Variants in DNAJB12 observed in about 807,000 individuals in gnomAD.
DNAJB12 encodes dnaJ homolog subfamily B member 12.
A neutral mutation model predicts 40.6 loss-of-function variants in DNAJB12; 14 were observed. The ratio of observed to expected loss-of-function variants is 0.34; its 90% CI spans 0.23 to 0.54. The LOEUF is 0.54. Among genes scored for constraint, DNAJB12 ranks in the 20% least tolerant of loss-of-function variants. The probability of loss-of-function intolerance (pLI) is 0.92; values close to 1 mark genes in which losing one functional copy is unlikely to be tolerated. For missense variants in DNAJB12, 444 were observed against 501.7 expected (o/e 0.89, Z 1.10); for synonymous variants, 181 against 199.5 (o/e 0.91, Z 0.78).
chr10:72,338,816 TAAAAC>T (rs1861549072), intron 5 of DNAJB12, among the ~76,000 whole-genome samples: 1 of 151,214 alleles, frequency 6.6e-6, no homozygotes, highest in African/African-American at 2.4e-5. Flanking sequence ...AAATAATAAT[TAAAAC>T]AAAATAAAAA....
At position 72,333,769 on chromosome 10, in the gene DNAJB12, G is replaced by C. The variant is rs1428158207; in HGVS notation, c.*879C>G. The C allele has an allele frequency of 6.6e-6, 1 of 152,662 alleles. No individual in the cohort carries two copies. Among genetic ancestry groups the C allele is most frequent in the Admixed American group, 6.5e-5 (1 of 15,282 alleles). The allele number at this position is 152,662 out of a possible 1,614,324, so 9.5% of individuals were successfully genotyped here. Reference sequence around the variant, plus strand: ...GGACAAAGAGCCCACCAGCGCTGCTGAGAGGGGAGAGGTGGTCTCACCCAA... The same window carrying C: ...GGACAAAGAGCCCACCAGCGCTGCTCAGAGGGGAGAGGTGGTCTCACCCAA... On this transcript the variant is annotated 3_prime_UTR_variant, in exon 9 of 9. Transcript: ENST00000444643.
chr10:72,352,732 T>C (rs908861223), intron 1 of DNAJB12, among the ~76,000 whole-genome samples: 11 of 152,096 alleles, frequency 7.2e-5, no homozygotes, highest in Non-Finnish European at 1.5e-4. Flanking sequence ...TCTTTTGAGG[T>C]GAGGGATCAC....
Position 72,335,675 on chromosome 10 carries a change from T to C in DNAJB12, c.*30+105A>G, listed in dbSNP as rs751162110. On this transcript the variant is annotated intron_variant, in intron 8 of 8. Coordinates refer to ENST00000444643, the MANE Select transcript of DNAJB12 (RefSeq NM_017626.7). This position sits in a 1 kb window ranked among gnomAD's most constrained non-coding sequence, Gnocchi z 4.4. ...AGGTCAGGCTGGGGACAGGAGTCTT[T>C]GCCACAATCACCAGGCTTCCTCCCT... The C allele has an allele frequency of 1.1e-5, 16 of 1,472,012 alleles. No individual in the cohort carries two copies. The highest frequency in any genetic ancestry group is 2.8e-5 in the African/African-American group (2 of 71,230). 91.2% of individuals were successfully genotyped at this position (1,472,012 alleles called of 1,614,324 possible). A position where few individuals can be genotyped will look rare whatever the true frequency, so the allele number is the denominator to read the frequency against.
At chr10:72,348,176 T>G (rs1237247767) in intron 1 of DNAJB12, among the ~76,000 whole-genome samples, 1 of 150,346 alleles carries the variant, frequency 6.7e-6, no homozygotes, top group African/African-American at 2.5e-5. Context: ...GAACTGAGAT[T>G]GTGCCACTGC....
intron 1 of DNAJB12, among the ~76,000 whole-genome samples, chr10:72,348,733 C>T (rs1806428544): frequency 6.6e-6 from 1 of 152,182 alleles, no homozygotes; most frequent in Non-Finnish European, 1.5e-5. Flanking sequence ...GTAAGGGAGG[C>T]GGGCTCCTGT....
chr10:72,352,797 G>A lies in DNAJB12; in HGVS notation c.133+1968C>T, dbSNP rs188304749. ...AGGACTTTGCAAACAAAACATAAAT[G>A]ATCTTCAACAAAAGTCTGCTGCATT... On this transcript the variant is annotated intron_variant, in intron 1 of 8. Coordinates refer to ENST00000444643, the MANE Select transcript of DNAJB12 (RefSeq NM_017626.7). Among the ~76,000 whole-genome samples the A allele has an allele frequency of 5.3e-5, 8 of 152,274 alleles. No individual in the cohort carries two copies. In the East Asian group the frequency reaches 9.6e-4, roughly 18 times the overall value.
At position 72,335,112 on chromosome 10, in the gene DNAJB12, C is replaced by T. The variant is rs1017101787; in HGVS notation, c.*31-495G>A. The T allele has an allele frequency of 5.1e-6, 5 of 990,022 alleles. No individual in the cohort carries two copies. Among genetic ancestry groups the T allele is most frequent in the South Asian group, 4.6e-5 (1 of 21,924 alleles). 61.3% of individuals were successfully genotyped at this position (990,022 alleles called of 1,614,324 possible). Reference sequence around the variant, plus strand: ...CGCAGGCGAGATGCCTGGGCAAGGCCGGATGCCTGTGGCTTCCAGGCTGCC... The same window carrying T: ...CGCAGGCGAGATGCCTGGGCAAGGCTGGATGCCTGTGGCTTCCAGGCTGCC... On this transcript the variant is annotated intron_variant, in intron 8 of 8. Coordinates refer to ENST00000444643, the MANE Select transcript of DNAJB12 (RefSeq NM_017626.7). The surrounding 1 kb of genome is among the most constrained non-coding windows in gnomAD (Gnocchi z 4.4).
chr10:72,334,694 C>G, intron 8 of DNAJB12, 77 bp from the exon 9 acceptor site: 2 of 1,482,058 alleles, frequency 1.3e-6, no homozygotes, highest in South Asian at 1.3e-5. Context: ...CACAAGTAGC[C>G]CCCCTTGCCA....
In DNAJB12 at chr10:72,334,770, G is replaced by A. The variant is rs145166873; in HGVS notation, c.*31-153C>T. ...CCCCACTTGCGGCCTGCCCTCCTGC[G>A]GCAGCACAGAGGCAGGCACAAATGG... is the stretch of plus-strand genomic sequence containing the variant. On this transcript the variant is annotated intron_variant, in intron 8 of 8. Transcript: ENST00000444643. 748 of 1,400,372 alleles carry A rather than the reference G, an allele frequency of 5.3e-4. 5 individuals are homozygous for A. The African/African-American group carries it at 0.01, about 19-fold the overall frequency. 86.7% of individuals were successfully genotyped at this position (1,400,372 alleles called of 1,614,324 possible). A position where few individuals can be genotyped will look rare whatever the true frequency, so the allele number is the denominator to read the frequency against.
intron 7 of DNAJB12, 75 bp downstream of exon 7, chr10:72,336,449 C>G: frequency 2.7e-6 from 4 of 1,476,862 alleles, no homozygotes; most frequent in Non-Finnish European, 3.7e-6. Flanking sequence ...GAGCAGGGCT[C>G]TCTCCTTCCC....
At chr10:72,351,499 C>T (rs1212874391) in intron 1 of DNAJB12, among the ~76,000 whole-genome samples, 1 of 152,258 alleles carries the variant, frequency 6.6e-6, no homozygotes, top group African/African-American at 2.4e-5. Context: ...TCGATCCTTC[C>T]CTTTTCAACT....
At chr10:72,354,715 TCCC>T in intron 1 of DNAJB12, 47 bp downstream of exon 1, 2 of 1,510,272 alleles carry the variant, frequency 1.3e-6, no homozygotes, top group Non-Finnish European at 1.8e-6. Flanking sequence ...GTTCCCGTGT[TCCC>T]CCCATCAGTT....
At position 72,340,836 on chromosome 10, in the gene DNAJB12, G is replaced by C; in HGVS notation, c.676C>G (p.Arg226Gly). 6.2e-7 allele frequency: 1 copy of C among 1,614,106 alleles called. No homozygotes were observed. The highest frequency in any genetic ancestry group is 2.2e-5 in the East Asian group (1 of 44,884). The change falls in exon 5 of 9, where the codon CGC becomes GGC. Residue 226 changes from arginine to glycine, a missense_variant. By Grantham distance (125) the Arg-to-Gly change is moderately radical. Transcript: ENST00000444643. The stretch of plus-strand genomic sequence containing the variant: ...TCCTGCCTTTGCTGGTAGGTATAGC[G>C]CATGCGGCCGTTGCTGTAGACGTGG... ...NVHVYSNGRM[R>G]YTYQQRQDRR...
At chr10:72,347,818 C>T (rs1406581816) in intron 1 of DNAJB12, among the ~76,000 whole-genome samples, 2 of 151,920 alleles carry the variant, frequency 1.3e-5, no homozygotes, top group East Asian at 3.9e-4. Context: ...GAGGCTGAGG[C>T]AGCAGGATGG....
intron 1 of DNAJB12, among the ~76,000 whole-genome samples, chr10:72,351,283 CCAGCTACTG>C (rs112769374): frequency 6.6e-6 from 1 of 152,334 alleles, no homozygotes; most frequent in African/African-American, 2.4e-5. Flanking sequence ...AGCTTAGGGC[CCAGCTACTG>C]CTTTGCAGTT....
At chr10:72,344,274 TC>T (rs1861721576) in intron 2 of DNAJB12, among the ~76,000 whole-genome samples, 1 of 152,238 alleles carries the variant, frequency 6.6e-6, no homozygotes, top group Non-Finnish European at 1.5e-5. Context: ...GAAGTACAGA[TC>T]TCGCCTACAC....
intron 1 of DNAJB12, among the ~76,000 whole-genome samples, chr10:72,349,057 C>T (rs894567941): frequency 6.6e-5 from 10 of 152,106 alleles, no homozygotes; most frequent in Non-Finnish European, 1.3e-4. Context: ...GGGTGGGGAT[C>T]GGGGACAGGG....
Position 72,340,884 on chromosome 10 carries a change from G to C in DNAJB12, c.644-16C>G. 1 of 1,612,478 alleles carries C rather than the reference G, an allele frequency of 6.2e-7. No homozygotes were observed. Among genetic ancestry groups the C allele is most frequent in the Non-Finnish European group, 8.5e-7 (1 of 1,179,116 alleles). On this transcript the variant is annotated splice_polypyrimidine_tract_variant and intron_variant, in intron 4 of 8. Coordinates refer to ENST00000444643, the MANE Select transcript of DNAJB12 (RefSeq NM_017626.7). ...TGGACGTTACCTGGGGGTCAGAGGG[G>C]CTGAGTCAGGAGCCAGGTCTGTTGG...
At chr10:72,343,891 T>C (rs1469054908) in intron 2 of DNAJB12, among the ~76,000 whole-genome samples, 2 of 151,884 alleles carry the variant, frequency 1.3e-5, no homozygotes, top group African/African-American at 4.8e-5. Flanking sequence ...CTGAGTCTTT[T>C]TTTTTTTTTA....
Sources: allele counts gnomAD v4.1 joint callset (sites outside exome capture counted in the v4.1 genomes callset), GRCh38; gene constraint gnomAD v4.1.1; non-coding constraint Gnocchi (gnomAD v3.1); transcripts MANE v1.5; gene names NCBI Gene and HGNC (gene_info 2026-07-23, HGNC 2026-07-21).